Variants in DLG2 observed in about 807,000 individuals in gnomAD.
DLG2 encodes disks large homolog 2.
DLG2 carries 45 observed loss-of-function variants against 132.5 expected under a neutral mutation model. The ratio of observed to expected loss-of-function variants is 0.34; its 90% CI spans 0.27 to 0.44. The LOEUF is 0.44. Among genes scored for constraint, DLG2 ranks in the 20% least tolerant of loss-of-function variants. The pLI is 1.00. For synonymous variants in DLG2, 424 were observed against 419.6 expected (o/e 1.01, Z -0.13); for missense variants, 1,045 against 1,196.9 (o/e 0.87, Z 1.87).
At chr11:85,448,712 C>T (rs1456824571) in intron 3 of DLG2, among the ~76,000 whole-genome samples, 1 of 152,148 alleles carries the variant, frequency 6.6e-6, no homozygotes, top group Non-Finnish European at 1.5e-5. Context: ...CCAGGAAATA[C>T]CTTCAGATAA....
At chr11:84,630,303 T>A (rs575739131) in intron 6 of DLG2, among the ~76,000 whole-genome samples, 2 of 152,240 alleles carry the variant, frequency 1.3e-5, no homozygotes, top group South Asian at 4.1e-4. Context: ...TAGAAACCAT[T>A]TGGGACATTT....
intron 6 of DLG2, among the ~76,000 whole-genome samples, chr11:84,588,774 G>T (rs1223967775): frequency 1.5e-5 from 2 of 137,656 alleles, no homozygotes; most frequent in Non-Finnish European, 3.1e-5. Flanking sequence ...ACTTTTTCTA[G>T]CATATGTGAA....
intron 6 of DLG2, among the ~76,000 whole-genome samples, chr11:84,663,625 C>T (rs2099697032): frequency 6.6e-6 from 1 of 152,034 alleles, no homozygotes; most frequent in African/African-American, 2.4e-5. Flanking sequence ...TTAGGACTGT[C>T]TTAATTTATG....
chr11:85,557,280 C>T (rs914292080), intron 3 of DLG2, among the ~76,000 whole-genome samples: 1 of 151,756 alleles, frequency 6.6e-6, no homozygotes, highest in Non-Finnish European at 1.5e-5. Context: ...AGGAAAACTA[C>T]AAAACACTGC....
At chr11:84,238,205 T>A (rs1056404281) in intron 8 of DLG2, among the ~76,000 whole-genome samples, 11 of 151,820 alleles carry the variant, frequency 7.2e-5, no homozygotes, top group African/African-American at 2.7e-4. Flanking sequence ...AATATCAGTG[T>A]CAAAAAGTCA....
At chr11:84,833,074 T>A (rs1218634532) in intron 6 of DLG2, among the ~76,000 whole-genome samples, 1 of 151,584 alleles carries the variant, frequency 6.6e-6, no homozygotes, top group Non-Finnish European at 1.5e-5. Context: ...AGAAAAATTT[T>A]ATAAATTTGC....
intron 15 of DLG2, among the ~76,000 whole-genome samples, chr11:83,884,547 C>T (rs1171007780): frequency 6.6e-6 from 1 of 152,208 alleles, no homozygotes; most frequent in Admixed American, 6.5e-5. Flanking sequence ...CAGCAGTAAC[C>T]TTTGCAGACT....
At chr11:84,457,002 T>C (rs2099067148) in intron 7 of DLG2, among the ~76,000 whole-genome samples, 1 of 151,232 alleles carries the variant, frequency 6.6e-6, no homozygotes. Flanking sequence ...AGAGTTATGC[T>C]AATAAGCCAT....
rs377532652 is a variant in DLG2, at chr11:84,735,600, T to A, written c.358-200869A>T. 3.3e-5 allele frequency among the ~76,000 whole-genome samples: 5 copies of A among 152,312 alleles called. No individual in the cohort carries two copies. The East Asian group carries it at 7.7e-4, about 24-fold the overall frequency. ...TTCAAAAAACCAGCTCCTGGATTCA[T>A]TGAATTTTTGAAGGATTTTTTTCGT... On this transcript the variant is annotated intron_variant, in intron 6 of 27. Coordinates refer to ENST00000376104, the MANE Select transcript of DLG2 (RefSeq NM_001142699.3).
intron 15 of DLG2, among the ~76,000 whole-genome samples, chr11:83,926,769 GTTA>G (rs2079049985): frequency 6.6e-6 from 1 of 152,068 alleles, no homozygotes; most frequent in Non-Finnish European, 1.5e-5. Flanking sequence ...GGGTCTATAT[GTTA>G]TTCAAGAACA....
At chr11:84,047,973 C>T (rs2096274464) in intron 11 of DLG2, among the ~76,000 whole-genome samples, 1 of 151,518 alleles carries the variant, frequency 6.6e-6, no homozygotes, top group African/African-American at 2.4e-5. Context: ...AGCTTGTTTA[C>T]AGACATCATT....
chr11:84,516,158 A>C (rs1477442634), intron 7 of DLG2, among the ~76,000 whole-genome samples: 1 of 151,482 alleles, frequency 6.6e-6, no homozygotes, highest in Non-Finnish European at 1.5e-5. Flanking sequence ...ATAACCTAAT[A>C]CACCTCAATG....
intron 6 of DLG2, among the ~76,000 whole-genome samples, chr11:84,748,945 G>A (rs907012243): frequency 1.3e-5 from 2 of 152,166 alleles, no homozygotes; most frequent in Non-Finnish European, 2.9e-5. Context: ...CAAGGAGAGA[G>A]AACTGCTTGG....
intron 19 of DLG2, among the ~76,000 whole-genome samples, chr11:83,579,209 GA>G (rs149915129): frequency 0.017 from 2,564 of 152,308 alleles, 72 homozygotes; most frequent in African/African-American, 0.058. Context: ...GACTTTGAGA[GA>G]GTAAATATCT....
At chr11:83,808,540 A>C (rs1002479546) in intron 17 of DLG2, among the ~76,000 whole-genome samples, 2 of 152,160 alleles carry the variant, frequency 1.3e-5, no homozygotes, top group Non-Finnish European at 1.5e-5. Flanking sequence ...CATTCACTGC[A>C]CTAACAGTTG....
At chr11:85,226,266 G>C (rs916998999) in intron 4 of DLG2, among the ~76,000 whole-genome samples, 1 of 151,838 alleles carries the variant, frequency 6.6e-6, no homozygotes, top group African/African-American at 2.4e-5. Flanking sequence ...ATGGATGGAT[G>C]GATGGATGGA....
chr11:85,126,688 G>A (rs140937077), intron 5 of DLG2, among the ~76,000 whole-genome samples: 1 of 151,936 alleles, frequency 6.6e-6, no homozygotes, highest in South Asian at 2.1e-4. Flanking sequence ...GGAATGACAA[G>A]AATTAGAACC....
intron 3 of DLG2, among the ~76,000 whole-genome samples, chr11:85,422,166 C>A (rs746050726): frequency 6.6e-6 from 1 of 152,170 alleles, no homozygotes; most frequent in Non-Finnish European, 1.5e-5. Context: ...TGTGCCTAGG[C>A]AATAATCTTT....
At chr11:84,843,013 T>C (rs1455630941) in intron 6 of DLG2, among the ~76,000 whole-genome samples, 1 of 151,970 alleles carries the variant, frequency 6.6e-6, no homozygotes, top group Non-Finnish European at 1.5e-5. Context: ...TCAATGGGTA[T>C]AAAGTTTAAG....
Sources: allele counts gnomAD v4.1 joint callset (sites outside exome capture counted in the v4.1 genomes callset), GRCh38; gene constraint gnomAD v4.1.1; transcripts MANE v1.5; gene names NCBI Gene and HGNC (gene_info 2026-07-23, HGNC 2026-07-21).